FMNL2: variants seen among roughly 807,000 people sequenced by gnomAD.
The protein encoded by FMNL2 is formin like 2, also known as formin-like protein 2.
A neutral mutation model predicts 130.2 loss-of-function variants in FMNL2; 51 were observed. That is an observed-to-expected ratio of 0.39 (90% CI 0.31 to 0.49). The LOEUF (loss-of-function observed/expected upper bound fraction) is 0.49, where lower values mean the gene tolerates loss of function less well. FMNL2 is among the 20% of genes least tolerant of loss of function. FMNL2 has a pLI of 0.85. For missense variants in FMNL2, 977 were observed against 1,316.2 expected (o/e 0.74, Z 3.99); for synonymous variants, 465 against 467.1 (o/e 1.00, Z 0.06).
intron 1 of FMNL2, among the ~76,000 whole-genome samples, chr2:152,470,081 T>C (rs1020174838): frequency 6.6e-6 from 1 of 152,240 alleles, no homozygotes; most frequent in African/African-American, 2.4e-5. Context: ...GTCTGTGTTA[T>C]TTCTTTTAAA....
At chr2:152,467,627 T>A (rs1274560004) in intron 1 of FMNL2, among the ~76,000 whole-genome samples, 3 of 152,232 alleles carry the variant, frequency 2.0e-5, no homozygotes, top group Non-Finnish European at 2.9e-5. Context: ...TGTGCTTGTA[T>A]TATTTTGTTT....
At chr2:152,611,467 A>ATCTAACCCCT (rs763750870) in intron 10 of FMNL2, 28 bp from the exon 11 acceptor site, 1 of 1,437,200 alleles carries the variant, frequency 7.0e-7, no homozygotes, top group African/African-American at 1.4e-5. Flanking sequence ...TTTGGAGCCC[A>ATCTAACCCCT]TCTAACCCCT....
intron 1 of FMNL2, among the ~76,000 whole-genome samples, chr2:152,456,001 C>T (rs73002280): frequency 0.025 from 3,760 of 152,342 alleles, 166 homozygotes; most frequent in African/African-American, 0.086. Context: ...CAGGCATGAG[C>T]TGCTGCACCT....
intron 7 of FMNL2, chr2:152,578,682 G>A (rs1696610848): frequency 9.8e-6 from 4 of 409,058 alleles, no homozygotes; most frequent in Non-Finnish European, 1.8e-5. Flanking sequence ...GGGACTGGAG[G>A]CACAAATCAT....
chr2:152,418,720 T>C (rs575432976), intron 1 of FMNL2, among the ~76,000 whole-genome samples: 2 of 152,324 alleles, frequency 1.3e-5, no homozygotes, highest in African/African-American at 4.8e-5. Context: ...GATGGACATA[T>C]GAGTTGTTTC....
Position 152,575,202 on chromosome 2 carries a change from G to A in FMNL2, c.663G>A (p.Val221=). ...NSRLVSKKDD[V]HVCIMCLRAI... ...GATTAGTGAGTAAGAAAGATGATGT[G>A]CATGTCTGTATCATGTGTTTACGTG... The change falls in exon 7 of 26, where the codon GTG becomes GTA. Residue 221 remains valine, a synonymous_variant. Transcript: ENST00000288670. 1 of 1,606,930 alleles carries A rather than the reference G, an allele frequency of 6.2e-7. No homozygotes were observed. The highest frequency in any genetic ancestry group is 8.5e-7 in the Non-Finnish European group (1 of 1,176,258).
intron 3 of FMNL2, among the ~76,000 whole-genome samples, chr2:152,547,964 G>T (rs192077915): frequency 1.3e-5 from 2 of 152,194 alleles, no homozygotes; most frequent in Non-Finnish European, 2.9e-5. Context: ...GGACTGATGT[G>T]CAATGTAGCC....
chr2:152,530,322 T>A (rs1411826943), intron 2 of FMNL2, among the ~76,000 whole-genome samples: 1 of 152,194 alleles, frequency 6.6e-6, no homozygotes, highest in Non-Finnish European at 1.5e-5. Flanking sequence ...ACTCATACTC[T>A]TTGTTTGTAG....
intron 9 of FMNL2, among the ~76,000 whole-genome samples, chr2:152,596,306 A>G (rs1045642049): frequency 2.0e-5 from 3 of 151,950 alleles, no homozygotes; most frequent in Non-Finnish European, 4.4e-5. Context: ...GCTCCTTTCT[A>G]TATGAAGACA....
chr2:152,480,107 C>T (rs1022961082), intron 1 of FMNL2, among the ~76,000 whole-genome samples: 1 of 152,130 alleles, frequency 6.6e-6, no homozygotes. Context: ...TACCTGCTAC[C>T]TCTTCAGCCT....
chr2:152,468,095 T>G (rs1364203501), intron 1 of FMNL2, among the ~76,000 whole-genome samples: 1 of 152,248 alleles, frequency 6.6e-6, no homozygotes, highest in Non-Finnish European at 1.5e-5. Context: ...GTTTAGCCCC[T>G]GAATGACAAA....
intron 9 of FMNL2, among the ~76,000 whole-genome samples, chr2:152,603,801 T>C (rs893330): frequency 0.91 from 137,910 of 150,764 alleles, 63,491 homozygotes; most frequent in East Asian, 0.98. Context: ...TCCTATGATA[T>C]CCAATTATAG....
intron 2 of FMNL2, among the ~76,000 whole-genome samples, chr2:152,542,027 G>A (rs746492080): frequency 1.2e-4 from 19 of 152,120 alleles, no homozygotes; most frequent in Non-Finnish European, 2.5e-4. Context: ...AGCATAAAAC[G>A]TGTTAGAAAT....
At chr2:152,497,627 A>G (rs777705649) in intron 1 of FMNL2, among the ~76,000 whole-genome samples, 7 of 152,208 alleles carry the variant, frequency 4.6e-5, no homozygotes, top group Non-Finnish European at 1.0e-4. Flanking sequence ...TATTTTTTAC[A>G]CACATCAGCA....
chr2:152,634,657 C>T (rs1420320768), intron 21 of FMNL2, among the ~76,000 whole-genome samples: 1 of 152,290 alleles, frequency 6.6e-6, no homozygotes, highest in East Asian at 1.9e-4. Context: ...AGTCGGTTGG[C>T]AAGAGGTCAG....
chr2:152,409,629 A>G (rs1047905990), intron 1 of FMNL2, among the ~76,000 whole-genome samples: 1 of 152,208 alleles, frequency 6.6e-6, no homozygotes, highest in Non-Finnish European at 1.5e-5. Context: ...CATGACTGCT[A>G]ATGGTGACTC....
Position 152,519,501 on chromosome 2 carries a change from C to T in FMNL2, c.118-2442C>T, listed in dbSNP as rs143576389. Among the ~76,000 whole-genome samples the T allele has an allele frequency of 5.9e-3, 903 of 152,276 alleles. 5 individuals are homozygous for T. The highest frequency in any genetic ancestry group is 0.021 in the African/African-American group (867 of 41,554). On this transcript the variant is annotated intron_variant, in intron 1 of 25. Coordinates refer to ENST00000288670, the MANE Select transcript of FMNL2 (RefSeq NM_052905.4). The stretch of plus-strand genomic sequence containing the variant: ...GTGTAATTCCTGTGGCGATGTTTGC[C>T]AAGTGCTTCCACGGGAATGTCTAGT...
At chr2:152,472,760 C>T (rs947655422) in intron 1 of FMNL2, among the ~76,000 whole-genome samples, 2 of 152,208 alleles carry the variant, frequency 1.3e-5, no homozygotes, top group Non-Finnish European at 2.9e-5. Flanking sequence ...CTCATTCCAG[C>T]CCTCTGCCAC....
chr2:152,389,206 A>C (rs866326581), intron 1 of FMNL2, among the ~76,000 whole-genome samples: 1 of 152,172 alleles, frequency 6.6e-6, no homozygotes, highest in South Asian at 2.1e-4. Flanking sequence ...CTTCTAAAGA[A>C]CAGAAACTTA....
Sources: gnomAD v4.1 joint callset for allele counts (sites outside exome capture counted in the v4.1 genomes callset) on GRCh38, gnomAD v4.1.1 for gene constraint, MANE v1.5 for transcripts, NCBI Gene and HGNC (gene_info 2026-07-23, HGNC 2026-07-21) for gene names.